The following RORA variants were observed in gnomAD, a reference collection of about 807,000 sequenced individuals.
RORA encodes the protein RAR related orphan receptor A.
Under a neutral mutation model 69.5 loss-of-function variants are expected in RORA, and 7 were observed. The ratio of observed to expected loss-of-function variants is 0.10; its 90% CI spans 0.06 to 0.19. The LOEUF (loss-of-function observed/expected upper bound fraction) is 0.19. RORA is among the 10% of genes least tolerant of loss of function. The pLI is 1.00. For synonymous variants in RORA, 261 were observed against 240.8 expected, an observed-to-expected ratio of 1.08 and a Z score of -0.78; for missense variants, 457 against 663.0, an observed-to-expected ratio of 0.69 and a Z score of 3.41.
intron 3 of RORA, among the ~76,000 whole-genome samples, chr15:60,524,588 C>G (rs1362328410): frequency 6.6e-6 from 1 of 152,214 alleles, no homozygotes; most frequent in Non-Finnish European, 1.5e-5. Flanking sequence ...TTTAAGAGTC[C>G]TGTATTTATC....
chr15:60,858,302 A>ACT (rs1230559817), intron 1 of RORA, among the ~76,000 whole-genome samples: 5 of 152,250 alleles, frequency 3.3e-5, no homozygotes, highest in Admixed American at 6.5e-5. Flanking sequence ...AGAGCTGTGT[A>ACT]CACTTCTAAG....
chr15:61,029,075 C>A (rs1482923941), intron 1 of RORA, among the ~76,000 whole-genome samples: 1 of 151,762 alleles, frequency 6.6e-6, no homozygotes, highest in Non-Finnish European at 1.5e-5. Context: ...GTGATGGTTG[C>A]ACACCTCTGT....
chr15:61,222,916 G>A (rs2080111974), intron 1 of RORA, among the ~76,000 whole-genome samples: 1 of 152,130 alleles, frequency 6.6e-6, no homozygotes, highest in African/African-American at 2.4e-5. Context: ...TAAGAGTTAG[G>A]ACTACCTGGA....
At chr15:60,998,609 G>C (rs1344181465) in intron 1 of RORA, among the ~76,000 whole-genome samples, 1 of 152,100 alleles carries the variant, frequency 6.6e-6, no homozygotes, top group Non-Finnish European at 1.5e-5. Context: ...ATGTTAGCTA[G>C]GCCGGTCTCG....
intron 1 of RORA, among the ~76,000 whole-genome samples, chr15:61,115,153 G>C (rs1771214059): frequency 6.6e-6 from 1 of 152,114 alleles, no homozygotes; most frequent in Non-Finnish European, 1.5e-5. Flanking sequence ...CTTGGGTCTG[G>C]TCCAGTGAAG....
At chr15:60,767,279 T>C (rs956570597) in intron 1 of RORA, among the ~76,000 whole-genome samples, 6 of 152,148 alleles carry the variant, frequency 3.9e-5, no homozygotes, top group South Asian at 2.1e-4. Context: ...TGCTGGGACA[T>C]TGGCCTTTTG....
At chr15:60,736,353 A>C (rs1019810158) in intron 1 of RORA, among the ~76,000 whole-genome samples, 1 of 152,148 alleles carries the variant, frequency 6.6e-6, no homozygotes, top group Non-Finnish European at 1.5e-5. Flanking sequence ...AATACAACCC[A>C]TTCTGTCTCC....
chr15:61,227,048 G>T (rs1170392692), intron 1 of RORA, among the ~76,000 whole-genome samples: 6 of 152,098 alleles, frequency 3.9e-5, no homozygotes, highest in Non-Finnish European at 5.9e-5. Flanking sequence ...TTGCTAGTCG[G>T]CTCTGCAGCC....
chr15:60,892,144 C>T (rs569027757), intron 1 of RORA, among the ~76,000 whole-genome samples: 48 of 152,276 alleles, frequency 3.2e-4, no homozygotes, highest in African/African-American at 1.1e-3. Context: ...TGAAGTTTAG[C>T]CATTCCTGAT....
chr15:61,067,368 T>C (rs554446860), intron 1 of RORA, among the ~76,000 whole-genome samples: 6 of 152,254 alleles, frequency 3.9e-5, no homozygotes, highest in Admixed American at 6.5e-5. Flanking sequence ...CCTCCCAAAG[T>C]GCTGGGATTA....
At chr15:60,888,067 T>TG (rs1371497482) in intron 1 of RORA, among the ~76,000 whole-genome samples, 1 of 152,242 alleles carries the variant, frequency 6.6e-6, no homozygotes, top group Non-Finnish European at 1.5e-5. Context: ...ATCCTTGCCC[T>TG]GCTCCTCAAC....
At chr15:61,010,018 T>G (rs1453032588) in intron 1 of RORA, among the ~76,000 whole-genome samples, 1 of 152,230 alleles carries the variant, frequency 6.6e-6, no homozygotes, top group Non-Finnish European at 1.5e-5. Context: ...CCCCCAACTG[T>G]ACTGCTTCAT....
At chr15:60,943,169 G>C (rs1246257784) in intron 1 of RORA, among the ~76,000 whole-genome samples, 3 of 152,206 alleles carry the variant, frequency 2.0e-5, no homozygotes, top group East Asian at 1.9e-4. Flanking sequence ...CCTTCAACTA[G>C]TGGTTTAGAA....
At chr15:61,067,554 T>A (rs1402171717) in intron 1 of RORA, among the ~76,000 whole-genome samples, 1 of 152,216 alleles carries the variant, frequency 6.6e-6, no homozygotes, top group African/African-American at 2.4e-5. Context: ...GCATCTCTCA[T>A]TTAATGATTT....
At chr15:60,692,580 A>G (rs549882981) in intron 1 of RORA, among the ~76,000 whole-genome samples, 56 of 152,348 alleles carry the variant, frequency 3.7e-4, no homozygotes, top group Admixed American at 1.3e-4. Flanking sequence ...AAATGATATG[A>G]TGTCTGGGAT....
chr15:60,775,749 C>A (rs7164773), intron 1 of RORA, among the ~76,000 whole-genome samples: 2 of 152,016 alleles, frequency 1.3e-5, no homozygotes, highest in African/African-American at 4.8e-5. Flanking sequence ...TGCAGATTCA[C>A]GGAGGGCTTA....
chr15:60,568,959 A>C (rs965571636), intron 2 of RORA, among the ~76,000 whole-genome samples: 18 of 152,008 alleles, frequency 1.2e-4, no homozygotes, highest in Admixed American at 3.9e-4. Context: ...AAAAAAAAAA[A>C]AAAACTCAAT....
Position 60,930,807 on chromosome 15 carries a change from G to A in RORA, c.167-252121C>T, listed in dbSNP as rs144826138. The stretch of plus-strand genomic sequence containing the variant: ...TGCTCACCTGTAGACTTTGAGGTCC[G>A]TGAGCAGAGATTCCCAATCATTTAT... On this transcript the variant is annotated intron_variant, in intron 1 of 10. Coordinates refer to ENST00000335670, the MANE Select transcript of RORA (RefSeq NM_134261.3). 6.9e-3 allele frequency among the ~76,000 whole-genome samples: 1,044 copies of A among 152,274 alleles called. 19 individuals carry two copies. Among genetic ancestry groups the A allele is most frequent in the African/African-American group, 0.024 (992 of 41,554 alleles).
chr15:60,652,727 A>G (rs1214506118), intron 2 of RORA, among the ~76,000 whole-genome samples: 6 of 152,176 alleles, frequency 3.9e-5, no homozygotes, highest in Non-Finnish European at 8.8e-5. Flanking sequence ...TCCCATTTCC[A>G]TCAAGTGCAC....
Sources: gnomAD v4.1 joint callset for allele counts (sites outside exome capture counted in the v4.1 genomes callset) on GRCh38, gnomAD v4.1.1 for gene constraint, MANE v1.5 for transcripts, NCBI Gene and HGNC (gene_info 2026-07-23, HGNC 2026-07-21) for gene names.